FLT3: variants seen among roughly 807,000 people sequenced by gnomAD.
FLT3 encodes the protein fms related receptor tyrosine kinase 3.
A neutral mutation model predicts 126.6 loss-of-function variants in FLT3; 46 were observed. The observed-to-expected ratio is 0.36, with a 90% CI of 0.29 to 0.46. FLT3 has a LOEUF of 0.46. Ranked by LOEUF, FLT3 falls within the 20% of genes least tolerant of loss-of-function variation. FLT3 has a pLI of 1.00. For synonymous variants in FLT3, 404 were observed against 434.4 expected (o/e 0.93, Z 0.87); for missense variants, 1,069 against 1,190.3 (o/e 0.90, Z 1.50).
In FLT3 at chr13:28,074,622, T is replaced by C. The variant is rs1467920269; in HGVS notation, c.44-4010A>G. 2.0e-5 allele frequency among the ~76,000 whole-genome samples: 3 copies of C among 152,014 alleles called. 1 individual carries two copies. The highest frequency in any genetic ancestry group is 7.2e-5 in the African/African-American group (3 of 41,394). On this transcript the variant is annotated intron_variant, in intron 1 of 23. Transcript: ENST00000241453. Reference sequence around the variant, plus strand: ...GCCTTTCTAATAAGTGTGTTGTATCTCATTGTGTTCTTATTTATTTTTATT... The same window carrying C: ...GCCTTTCTAATAAGTGTGTTGTATCCCATTGTGTTCTTATTTATTTTTATT...
intron 15 of FLT3, among the ~76,000 whole-genome samples, chr13:28,030,845 C>T (rs552326714): frequency 5.9e-5 from 9 of 151,944 alleles, no homozygotes; most frequent in East Asian, 3.9e-4. Flanking sequence ...TGAAGCTTGC[C>T]GTGAGCTATG....
intron 11 of FLT3, 56 bp downstream of exon 11, chr13:28,035,879 A>T (rs1566072858): frequency 7.2e-7 from 1 of 1,391,764 alleles, no homozygotes; most frequent in Non-Finnish European, 1.0e-6. Flanking sequence ...GAAAGAGTCA[A>T]TAGGTCAGAG....
chr13:28,021,988 C>T (rs1263168591), intron 19 of FLT3, among the ~76,000 whole-genome samples: 2 of 152,020 alleles, frequency 1.3e-5, no homozygotes, highest in African/African-American at 4.8e-5. Context: ...TCACCCACCT[C>T]GGCCTCCCAA....
chr13:28,045,014 C>T (rs973200047), intron 9 of FLT3, among the ~76,000 whole-genome samples: 1 of 152,100 alleles, frequency 6.6e-6, no homozygotes, highest in Non-Finnish European at 1.5e-5. Context: ...TTATCTGTTG[C>T]CAGATAAGTA....
intron 1 of FLT3, among the ~76,000 whole-genome samples, chr13:28,099,509 T>C (rs1218286879): frequency 2.0e-5 from 3 of 152,144 alleles, no homozygotes; most frequent in East Asian, 3.8e-4. Flanking sequence ...AGACTTCAAG[T>C]CCTAGCATTT....
chr13:28,074,384 T>G (rs1001572078), intron 1 of FLT3, among the ~76,000 whole-genome samples: 4 of 152,178 alleles, frequency 2.6e-5, no homozygotes, highest in Non-Finnish European at 5.9e-5. Context: ...TATATAAAAG[T>G]CTTAATATGG....
Position 28,003,973 on chromosome 13 carries a change from G to A in FLT3, c.*79C>T. ...TGATAATAGATTTTCTTTTAGTGAT[G>A]AAATTAATCTTGTTTTGGTAATCTA... On this transcript the variant is annotated 3_prime_UTR_variant, in exon 24 of 24. Coordinates refer to ENST00000241453, the MANE Select transcript of FLT3 (RefSeq NM_004119.3). The A allele has an allele frequency of 1.3e-6, 2 of 1,518,986 alleles. No individual in the cohort carries two copies. Among genetic ancestry groups the A allele is most frequent in the South Asian group, 1.1e-5 (1 of 87,372 alleles). The allele number at this position is 1,518,986 out of a possible 1,614,324, so 94.1% of individuals were successfully genotyped here. A position where few individuals can be genotyped will look rare whatever the true frequency, so the allele number is the denominator to read the frequency against.
At chr13:28,076,864 G>A (rs1365142387) in intron 1 of FLT3, among the ~76,000 whole-genome samples, 3 of 151,840 alleles carry the variant, frequency 2.0e-5, no homozygotes, top group Non-Finnish European at 4.4e-5. Context: ...GGAGGTCAAG[G>A]CTGCAGTGAG....
In FLT3 at chr13:28,018,507, C is replaced by T. The variant is rs1872092653; in HGVS notation, c.2501G>A (p.Arg834Gln). 2.5e-6 allele frequency: 4 copies of T among 1,614,120 alleles called. No homozygotes were observed. The highest frequency in any genetic ancestry group is 2.5e-6 in the Non-Finnish European group (3 of 1,179,988). ...ATAGTTGGAATCACTCATGATATCT[C>T]GAGCCAATCCAAAGTCACATATCTT... ...VVKICDFGLARDIMSDSNYVV... is the reference protein window; with the variant it reads ...VVKICDFGLAQDIMSDSNYVV... The change falls in exon 20 of 24, where the codon CGA becomes CAA. Residue 834 changes from arginine to glutamine, a missense_variant. By Grantham distance (43) the Arg-to-Gln change is conservative. Transcript: ENST00000241453.
At chr13:28,061,291 A>AGT (rs1456150645) in intron 3 of FLT3, among the ~76,000 whole-genome samples, 1 of 151,966 alleles carries the variant, frequency 6.6e-6, no homozygotes, top group East Asian at 2.0e-4. Flanking sequence ...GGGAAACAGA[A>AGT]GTTTCAGTGA....
intron 9 of FLT3, among the ~76,000 whole-genome samples, chr13:28,047,384 T>G (rs4509870): frequency 0.79 from 119,789 of 152,064 alleles, 47,374 homozygotes; most frequent in East Asian, 0.97. Flanking sequence ...GTTTTTTGTT[T>G]TCCAAAGAAG....
chr13:28,077,625 T>C (rs1878043603), intron 1 of FLT3, among the ~76,000 whole-genome samples: 1 of 152,152 alleles, frequency 6.6e-6, no homozygotes, highest in Non-Finnish European at 1.5e-5. Flanking sequence ...AACCATATCA[T>C]TCTGCCCCGG....
intron 20 of FLT3, among the ~76,000 whole-genome samples, chr13:28,016,776 G>A (rs1308585712): frequency 6.6e-6 from 1 of 152,206 alleles, no homozygotes; most frequent in Non-Finnish European, 1.5e-5. Context: ...GAGACAACCA[G>A]CTGGTGGGGT....
At chr13:28,026,352 GAAAAAAAAAAAAAAAA>G (rs5802460) in intron 17 of FLT3, among the ~76,000 whole-genome samples, 1 of 78,938 alleles carries the variant, frequency 1.3e-5, no homozygotes, top group Non-Finnish European at 2.4e-5. Flanking sequence ...AACTCTGTCT[GAAAAAAAAAAAAAAAA>G]AAAAAAGAAT....
At chr13:28,089,795 A>G in intron 1 of FLT3, among the ~76,000 whole-genome samples, 1 of 149,020 alleles carries the variant, frequency 6.7e-6, no homozygotes, top group Middle Eastern at 3.5e-3. Context: ...AGTGCAGTGG[A>G]GTGATCTTGG....
At chr13:28,083,712 T>C (rs1241579519) in intron 1 of FLT3, among the ~76,000 whole-genome samples, 1 of 152,202 alleles carries the variant, frequency 6.6e-6, no homozygotes, top group Non-Finnish European at 1.5e-5. Context: ...CAAGCATTGA[T>C]AGTATGTGTC....
chr13:28,058,420 G>A (rs1876230533), intron 3 of FLT3, among the ~76,000 whole-genome samples: 1 of 151,996 alleles, frequency 6.6e-6, no homozygotes, highest in African/African-American at 2.4e-5. Flanking sequence ...GCTGAGGCAG[G>A]AGAATTGCTT....
rs199643702 is a variant in FLT3 at position 28,049,694 on chromosome 13, C to T, written c.823G>A (p.Val275Ile). The change falls in exon 7 of 24, where the codon GTT becomes ATT. Residue 275 changes from valine (V) to isoleucine (I), a missense_variant. Val to Ile is a conservative substitution (Grantham distance 29). Transcript: ENST00000241453. ...AGCCCGAATCCATGGTTCACATGAA[C>T]AGCTTTGCACCTTATCCATAAGGGT... ...GEPLWIRCKA[V>I]HVNHGFGLTW... is the part of the protein sequence containing the mutation. The T allele has an allele frequency of 1.2e-5, 19 of 1,614,126 alleles. No individual in the cohort carries two copies. In the Admixed American group the frequency reaches 3.2e-4, roughly 27 times the overall value.
At chr13:28,021,096 A>C (rs1175518322) in intron 19 of FLT3, among the ~76,000 whole-genome samples, 2 of 152,140 alleles carry the variant, frequency 1.3e-5, no homozygotes, top group Admixed American at 1.3e-4. Context: ...CACCTCTATA[A>C]AGATGTTCGT....
Sources: gnomAD v4.1 joint callset for allele counts (sites outside exome capture counted in the v4.1 genomes callset) on GRCh38, gnomAD v4.1.1 for gene constraint, MANE v1.5 for transcripts, NCBI Gene and HGNC (gene_info 2026-07-23, HGNC 2026-07-21) for gene names.